Variants in FMO4 observed in about 807,000 individuals in gnomAD.
FMO4 encodes the protein flavin containing dimethylaniline monoxygenase 4, also known as dimethylaniline monooxygenase [N-oxide-forming] 4.
FMO4 carries 38 observed loss-of-function variants against 43.3 expected under a neutral mutation model. The observed-to-expected ratio is 0.88, with a 90% CI of 0.68 to 1.15. The LOEUF is 1.15. Among genes scored for constraint, FMO4 ranks in the 50% most tolerant of loss-of-function variants. FMO4 has a pLI of 0.00. For missense variants in FMO4, 631 were observed against 663.3 expected, an observed-to-expected ratio of 0.95 and a Z score of 0.54; for synonymous variants, 224 against 232.2, an observed-to-expected ratio of 0.96 and a Z score of 0.32.
intron 5 of FMO4, among the ~76,000 whole-genome samples, chr1:171,330,295 C>T (rs1558039919): frequency 6.6e-6 from 1 of 152,218 alleles, no homozygotes; most frequent in Non-Finnish European, 1.5e-5. Context: ...CCATCACTGG[C>T]CTCATCACAA....
chr1:171,332,580 T>G, intron 6 of FMO4, 129 bp from the exon 7 acceptor site: 1 of 678,732 alleles, frequency 1.5e-6, no homozygotes, highest in Non-Finnish European at 2.5e-6. Flanking sequence ...TGTAGACCTA[T>G]GTACAAATTC....
chr1:171,340,316 C>A (rs958918761), intron 9 of FMO4, among the ~76,000 whole-genome samples: 3 of 152,080 alleles, frequency 2.0e-5, no homozygotes, highest in Non-Finnish European at 4.4e-5. Context: ...TATGCAAAGT[C>A]CGATTATGTT....
intron 2 of FMO4, among the ~76,000 whole-genome samples, chr1:171,317,800 T>C (rs576182257): frequency 1.8e-4 from 27 of 152,294 alleles, no homozygotes; most frequent in African/African-American, 6.0e-4. Context: ...TGTAATATCC[T>C]TGTTTTATGG....
rs1160311487 is a variant in FMO4, at chr1:171,337,294, G to T, written c.1181-62G>T. The T allele has an allele frequency of 1.2e-4, 133 of 1,104,746 alleles. 1 individual carries two copies. The highest frequency in any genetic ancestry group is 5.0e-4 in the South Asian group (40 of 80,532). The allele number at this position is 1,104,746 out of a possible 1,614,324, so 68.4% of individuals were successfully genotyped here. A position where few individuals can be genotyped will look rare whatever the true frequency, so the allele number is the denominator to read the frequency against. On this transcript the variant is annotated intron_variant, in intron 8 of 9. Coordinates refer to ENST00000367749, the MANE Select transcript of FMO4 (RefSeq NM_002022.3). ...GTGGGAGGCTAGAAATGAGTGGGTGGAGAATTTAAATAAAGGAAAAGCCAC... is the reference window on the plus strand; with the variant it reads ...GTGGGAGGCTAGAAATGAGTGGGTGTAGAATTTAAATAAAGGAAAAGCCAC...
chr1:171,319,904 G>T lies in FMO4; in HGVS notation c.79G>T (p.Glu27Ter). The change falls in exon 3 of 10, where the codon GAG becomes TAG. Residue 27 changes from glutamate to a stop codon, truncating the protein, a stop_gained. Transcript: ENST00000367749. LOFTEE classifies it high-confidence loss of function. ...SIKCCVDEDLEPTCFERSDDI... is the reference protein window; with the variant it reads ...SIKCCVDEDL The stretch of plus-strand genomic sequence containing the variant: ...CAAATGCTGTGTGGATGAGGACCTG[G>T]AGCCCACCTGCTTTGAGAGAAGTGA... 6.2e-7 allele frequency: 1 copy of T among 1,613,894 alleles called. No homozygotes were observed. The highest frequency in any genetic ancestry group is 8.5e-7 in the Non-Finnish European group (1 of 1,179,824).
At chr1:171,332,649 G>GA in intron 6 of FMO4, 60 bp from the exon 7 acceptor site, 11 of 1,439,222 alleles carry the variant, frequency 7.6e-6, no homozygotes, top group South Asian at 5.9e-5. Context: ...ACACACTGAT[G>GA]AAAAATACTA....
In FMO4 at chr1:171,327,641, G is replaced by A. The variant is rs947143533; in HGVS notation, c.484+3341G>A. 7.9e-5 allele frequency among the ~76,000 whole-genome samples: 12 copies of A among 152,280 alleles called. No individual in the cohort carries two copies. In the East Asian group the frequency reaches 2.3e-3, roughly 29 times the overall value. ...TTAAATTCGTTAATACAGACAAGGTGTGGTGGCTCATGCCTATAATCCCAG... is the reference window on the plus strand; with the variant it reads ...TTAAATTCGTTAATACAGACAAGGTATGGTGGCTCATGCCTATAATCCCAG... On this transcript the variant is annotated intron_variant, in intron 5 of 9. Transcript: ENST00000367749.
At chr1:171,328,521 G>A (rs1188660676) in intron 5 of FMO4, among the ~76,000 whole-genome samples, 4 of 151,908 alleles carry the variant, frequency 2.6e-5, no homozygotes, top group South Asian at 2.1e-4. Flanking sequence ...ATGGTGGCAC[G>A]CACCTGTAAT....
At chr1:171,328,512 T>C (rs1662762849) in intron 5 of FMO4, among the ~76,000 whole-genome samples, 1 of 151,992 alleles carries the variant, frequency 6.6e-6, no homozygotes, top group African/African-American at 2.4e-5. Flanking sequence ...TATCCGGGCA[T>C]GGTGGCACGC....
intron 9 of FMO4, among the ~76,000 whole-genome samples, chr1:171,340,317 C>A (rs1239327881): frequency 6.6e-6 from 1 of 152,060 alleles, no homozygotes; most frequent in Non-Finnish European, 1.5e-5. Flanking sequence ...ATGCAAAGTC[C>A]GATTATGTTG....
chr1:171,320,880 T>C (rs1662395073), intron 3 of FMO4, among the ~76,000 whole-genome samples: 1 of 151,916 alleles, frequency 6.6e-6, no homozygotes, highest in Non-Finnish European at 1.5e-5. Flanking sequence ...TACTAAATGC[T>C]ATAGGGGAAA....
At chr1:171,331,846 T>C (rs1662913822) in intron 6 of FMO4, 64 bp downstream of exon 6, 1 of 1,474,952 alleles carries the variant, frequency 6.8e-7, no homozygotes. Context: ...GAAAGAGATA[T>C]TCAAAACTAT....
rs543097239 is a variant in FMO4, at chr1:171,314,225, T to A, written c.-339T>A. 6.6e-4 allele frequency: 101 copies of A among 152,244 alleles called. 1 individual carries two copies. Among genetic ancestry groups the A allele is most frequent in the African/African-American group, 2.3e-3 (95 of 41,550 alleles). 9.4% of individuals were successfully genotyped at this position (152,244 alleles called of 1,614,324 possible). A position where few individuals can be genotyped will look rare whatever the true frequency, so the allele number is the denominator to read the frequency against. On this transcript the variant is annotated 5_prime_UTR_variant, in exon 1 of 10. Coordinates refer to ENST00000367749, the MANE Select transcript of FMO4 (RefSeq NM_002022.3). The stretch of plus-strand genomic sequence containing the variant: ...TAGTCTGTATACTTTCTGCTGTCAC[T>A]AGCATAACAGAAAAGACGAATGGCT...
chr1:171,315,941 C>T (rs975267849), intron 1 of FMO4, among the ~76,000 whole-genome samples: 29 of 152,138 alleles, frequency 1.9e-4, no homozygotes, highest in African/African-American at 6.8e-4. Context: ...TAGTATCAGC[C>T]TCTCCATATA....
chr1:171,330,217 A>G (rs1662839567), intron 5 of FMO4, among the ~76,000 whole-genome samples: 2 of 152,240 alleles, frequency 1.3e-5, no homozygotes, highest in Non-Finnish European at 2.9e-5. Flanking sequence ...GAGGCAGTCT[A>G]GTCCTCAAAA....
rs3737925 is a variant in FMO4 at position 171,334,505 on chromosome 1, A to T, written c.922A>T (p.Thr308Ser). Reference sequence around the variant, plus strand: ...AACCAGCGTGATTGAATTTACAGAAACCTCTGCTGTCTTTGAAGATGGGAC... The same window carrying T: ...AACCAGCGTGATTGAATTTACAGAATCCTCTGCTGTCTTTGAAGATGGGAC... ...MKTSVIEFTETSAVFEDGTVE... is the reference protein window; with the variant it reads ...MKTSVIEFTESSAVFEDGTVE... Residue 308 changes from threonine (T) to serine (S), a missense_variant, in exon 8 of 10, where the codon ACC becomes TCC. Transcript: ENST00000367749. The T allele has an allele frequency of 1.5e-4, 246 of 1,613,822 alleles. No individual in the cohort carries two copies. The East Asian group carries it at 5.5e-3, about 36-fold the overall frequency.
rs747797120 is a variant in FMO4 at position 171,341,806 on chromosome 1, G to A, written c.1644G>A (p.Met548Ile). 1 of 1,613,542 alleles carries A rather than the reference G, an allele frequency of 6.2e-7. No individual in the cohort carries two copies. Among genetic ancestry groups the A allele is most frequent in the Non-Finnish European group, 8.5e-7 (1 of 1,179,726 alleles). The change falls in exon 10 of 10, where the codon ATG (methionine) becomes ATA (isoleucine). Residue 548 changes from methionine to isoleucine, a missense_variant. Coordinates refer to ENST00000367749, the MANE Select transcript of FMO4 (RefSeq NM_002022.3). ...TGAGAGATAAACTACAGGACAGAAT[G>A]TCCCCTTACCTAGTAAGTCTTTGGC... ...KLVRDKLQDRMSPYLVSLWRG is the reference protein window; with the variant it reads ...KLVRDKLQDRISPYLVSLWRG
At chr1:171,326,678 A>G (rs1662680860) in intron 5 of FMO4, among the ~76,000 whole-genome samples, 1 of 152,246 alleles carries the variant, frequency 6.6e-6, no homozygotes, top group East Asian at 1.9e-4. Context: ...GACATCCAGC[A>G]TATAGCATTG....
chr1:171,316,619 A>C (rs981315743), intron 2 of FMO4, among the ~76,000 whole-genome samples: 3 of 152,078 alleles, frequency 2.0e-5, no homozygotes, highest in African/African-American at 7.2e-5. Flanking sequence ...TTCAAACCCA[A>C]CTCTGCTGCC....
Sources: gnomAD v4.1 joint callset for allele counts (sites outside exome capture counted in the v4.1 genomes callset) on GRCh38, gnomAD v4.1.1 for gene constraint, MANE v1.5 for transcripts, NCBI Gene and HGNC (gene_info 2026-07-23, HGNC 2026-07-21) for gene names.